Variants in CMYA5 observed in about 807,000 individuals in gnomAD.
CMYA5 encodes cardiomyopathy-associated protein 5.
In CMYA5, 246 loss-of-function variants were observed where a neutral mutation model predicts 318.9. The ratio of observed to expected loss-of-function variants is 0.77; its 90% confidence interval spans 0.70 to 0.86. The LOEUF is 0.86. Among genes scored for constraint, CMYA5 ranks in the 40% least tolerant of loss-of-function variants. CMYA5 has a pLI of 0.00. For synonymous variants in CMYA5, 1,641 were observed against 1,729.5 expected (o/e 0.95, Z 1.27); for missense variants, 4,589 against 4,678.2 (o/e 0.98, Z 0.56).
rs7725531 is a variant in CMYA5, at chr5:79,745,281, G to A, written c.10794G>A (p.Lys3598=). 1.4e-3 allele frequency: 2,266 copies of A among 1,612,446 alleles called. 23 individuals carry two copies. In the African/African-American group the frequency reaches 0.027, roughly 19 times the overall value. ...LEEQNEEMMK[K]VLAQYDEKAQ... ...AACAGAATGAGGAAATGATGAAGAA[G>A]GTTTTAGCACAGTATGATGAGAAAG... Residue 3598 remains lysine (K), a synonymous_variant, in exon 4 of 13, where the codon AAG becomes AAA. Transcript: ENST00000446378.
At chr5:79,771,816 T>C (rs1828861225) in intron 9 of CMYA5, among the ~76,000 whole-genome samples, 1 of 152,164 alleles carries the variant, frequency 6.6e-6, no homozygotes, top group Non-Finnish European at 1.5e-5. Context: ...AGGCCTGTCT[T>C]CTTCTTTCAA....
intron 1 of CMYA5, among the ~76,000 whole-genome samples, chr5:79,695,232 A>C (rs1238969169): frequency 6.6e-6 from 1 of 152,234 alleles, no homozygotes; most frequent in Non-Finnish European, 1.5e-5. Context: ...GCTGTACATG[A>C]AAATAACCTT....
In CMYA5 at chr5:79,714,758, G is replaced by A. The variant is rs200950849; in HGVS notation, c.150-14157G>A. 3.3e-5 allele frequency among the ~76,000 whole-genome samples: 5 copies of A among 151,996 alleles called. No individual in the cohort carries two copies. The East Asian group carries it at 9.6e-4, about 29-fold the overall frequency. On this transcript the variant is annotated intron_variant, in intron 1 of 12. Transcript: ENST00000446378. ...CGCAGCCTCACATGGGACGCCTTTT[G>A]CACATTCTATTGAAGCATATGTCAC...
intron 3 of CMYA5, among the ~76,000 whole-genome samples, chr5:79,744,379 A>G (rs533397223): frequency 3.5e-4 from 53 of 152,132 alleles, no homozygotes; most frequent in Admixed American, 1.6e-3. Context: ...CTCTCATAGC[A>G]CGACTATCTC....
In CMYA5 at chr5:79,799,685, G is replaced by A; in HGVS notation, c.*69G>A. On this transcript the variant is annotated 3_prime_UTR_variant, in exon 13 of 13. Transcript: ENST00000446378. Reference sequence around the variant, plus strand: ...GGGGGGTCTGCTGTTCATTCCTTTAGGTGCTATACATTATTCAAAAAGTCT... The same window carrying A: ...GGGGGGTCTGCTGTTCATTCCTTTAAGTGCTATACATTATTCAAAAAGTCT... The A allele has an allele frequency of 1.3e-6, 2 of 1,513,504 alleles. No individual in the cohort carries two copies. Among genetic ancestry groups the A allele is most frequent in the Non-Finnish European group, 1.8e-6 (2 of 1,124,466 alleles). 93.8% of individuals were successfully genotyped at this position (1,513,504 alleles called of 1,614,324 possible).
At chr5:79,698,996 A>C (rs1827124917) in intron 1 of CMYA5, among the ~76,000 whole-genome samples, 1 of 152,090 alleles carries the variant, frequency 6.6e-6, no homozygotes, top group African/African-American at 2.4e-5. Flanking sequence ...CATGTCTACT[A>C]AACATACAAA....
At chr5:79,703,710 G>A (rs1243408224) in intron 1 of CMYA5, among the ~76,000 whole-genome samples, 1 of 152,134 alleles carries the variant, frequency 6.6e-6, no homozygotes, top group Non-Finnish European at 1.5e-5. Flanking sequence ...TTAGCTTGGA[G>A]GTTTGGGGGA....
At position 79,725,748 on chromosome 5, in the gene CMYA5, C is replaced by CA. The variant is rs553090190; in HGVS notation, c.150-3161dup. Among the ~76,000 whole-genome samples the CA allele has an allele frequency of 2.0e-4, 31 of 152,244 alleles. 1 individual carries two copies. The South Asian group carries it at 6.4e-3, about 32-fold the overall frequency. ...TGAAATCTCGTCTCTACTGAAAATA[C>CA]AAAAAATTAGCCGGGCGTTATGACA... On this transcript the variant is annotated intron_variant, in intron 1 of 12. Transcript: ENST00000446378.
At position 79,750,850 on chromosome 5, in the gene CMYA5, T is replaced by C. The variant is rs1828416009; in HGVS notation, c.10992-1826T>C. ...TGATGTTAAACTGGAATAGGTTCGG[T>C]GCATAAGGGAAAACTCTAACATTTT... On this transcript the variant is annotated intron_variant, in intron 5 of 12. Coordinates refer to ENST00000446378, the MANE Select transcript of CMYA5 (RefSeq NM_153610.5). Among the ~76,000 whole-genome samples the C allele has an allele frequency of 2.6e-5, 4 of 152,296 alleles. 1 individual carries two copies. In the South Asian group the frequency reaches 8.3e-4, roughly 32 times the overall value.
chr5:79,754,331 A>G (rs1828486802), intron 6 of CMYA5, among the ~76,000 whole-genome samples: 1 of 152,226 alleles, frequency 6.6e-6, no homozygotes, highest in African/African-American at 2.4e-5. Flanking sequence ...GTAGCAGCCC[A>G]TACGATTTAT....
In CMYA5 at chr5:79,799,872, A is replaced by ATG; in HGVS notation, c.*256_*257insTG. ...TAAGTTTGAGTTCTTTCCTAAATTA[A>ATG]AAGATCTACACTTGAGTTGGGAACC... is the stretch of plus-strand genomic sequence containing the variant. On this transcript the variant is annotated 3_prime_UTR_variant, in exon 13 of 13. Coordinates refer to ENST00000446378, the MANE Select transcript of CMYA5 (RefSeq NM_153610.5). 1 of 171,418 alleles carries ATG rather than the reference A, an allele frequency of 5.8e-6. No individual in the cohort carries two copies. The highest frequency in any genetic ancestry group is 1.1e-5 in the Non-Finnish European group (1 of 88,592). 10.6% of individuals were successfully genotyped at this position (171,418 alleles called of 1,614,324 possible).
chr5:79,746,539 G>C (rs1301291264), intron 4 of CMYA5, among the ~76,000 whole-genome samples: 1 of 60,846 alleles, frequency 1.6e-5, no homozygotes, highest in African/African-American at 9.0e-5. Context: ...TTCTAGAAGA[G>C]CAAACTGTAA....
At chr5:79,765,476 T>C (rs567346106) in intron 9 of CMYA5, among the ~76,000 whole-genome samples, 62 of 152,352 alleles carry the variant, frequency 4.1e-4, no homozygotes, top group African/African-American at 1.4e-3. Context: ...ATGCAGGCTC[T>C]TTTTTGGTTC....
rs1827514162 is a variant in CMYA5, at chr5:79,716,234, GA to G, written c.150-12679del. Among the ~76,000 whole-genome samples, 7 of 152,200 alleles carry G rather than the reference GA, an allele frequency of 4.6e-5. No individual in the cohort carries two copies. In the South Asian group the frequency reaches 1.4e-3, roughly 31 times the overall value. On this transcript the variant is annotated intron_variant, in intron 1 of 12. Coordinates refer to ENST00000446378, the MANE Select transcript of CMYA5 (RefSeq NM_153610.5). Reference sequence around the variant, plus strand: ...GTTCTGAAACAATTGATAGATAAAGGAATGGTAGCTAGAGATGAAAATATCA... The same window carrying G: ...GTTCTGAAACAATTGATAGATAAAGGATGGTAGCTAGAGATGAAAATATCA...
At chr5:79,756,243 C>G (rs1828526059) in intron 6 of CMYA5, among the ~76,000 whole-genome samples, 1 of 152,182 alleles carries the variant, frequency 6.6e-6, no homozygotes, top group African/African-American at 2.4e-5. Flanking sequence ...GGGAGGTGCT[C>G]TCACCAGCGG....
intron 1 of CMYA5, among the ~76,000 whole-genome samples, chr5:79,723,918 A>G (rs1827696044): frequency 1.3e-5 from 2 of 152,344 alleles, no homozygotes; most frequent in South Asian, 2.1e-4. Flanking sequence ...TGTTGAGTTC[A>G]GTTCAGGAGT....
chr5:79,707,977 T>A (rs115746512), intron 1 of CMYA5, among the ~76,000 whole-genome samples: 3,228 of 152,248 alleles, frequency 0.021, 115 homozygotes, highest in African/African-American at 0.072. Flanking sequence ...GGCCCTAGAG[T>A]GCTCCCTTCA....
Position 79,738,361 on chromosome 5 carries a change from A to C in CMYA5, c.9596A>C (p.Glu3199Ala), listed in dbSNP as rs780965483. The change falls in exon 2 of 13, where the codon GAA becomes GCA. Residue 3199 changes from glutamate (E) to alanine (A), a missense_variant. Glu to Ala is a moderately radical substitution (Grantham distance 107, BLOSUM62 -1). This residue lies in a region of CMYA5 where 2,431 missense variants were observed against 2,495.1 expected (regional missense o/e 0.97). Coordinates refer to ENST00000446378, the MANE Select transcript of CMYA5 (RefSeq NM_153610.5). ...TTTTTATATAAGGATCTGTATGAAG[A>C]AGCAGTTGGAGAGAAAAAGAAGGAA... is the stretch of plus-strand genomic sequence containing the variant. ...LAFLYKDLYE[E>A]AVGEKKKEEE... 9.9e-6 allele frequency: 16 copies of C among 1,613,690 alleles called. No homozygotes were observed. Among genetic ancestry groups the C allele is most frequent in the Non-Finnish European group, 1.3e-5 (15 of 1,179,844 alleles).
Position 79,773,107 on chromosome 5 carries a change from G to C in CMYA5, c.11555+9898G>C, listed in dbSNP as rs545465188. 4.4e-4 allele frequency among the ~76,000 whole-genome samples: 67 copies of C among 152,316 alleles called. 1 individual carries two copies. Among genetic ancestry groups the C allele is most frequent in the Non-Finnish European group, 3.4e-4 (23 of 68,024 alleles). ...TCTCTGAGAAAGAACAGCAAGCCAA[G>C]ATTTGTTTGATCTCACTCCTTTGTT... On this transcript the variant is annotated intron_variant, in intron 9 of 12. Coordinates refer to ENST00000446378, the MANE Select transcript of CMYA5 (RefSeq NM_153610.5).
Sources: gnomAD v4.1 joint callset for allele counts (sites outside exome capture counted in the v4.1 genomes callset) on GRCh38, gnomAD v4.1.1 for gene constraint, gnomAD v4.1.1 regional missense constraint, MANE v1.5 for transcripts, NCBI Gene and HGNC (gene_info 2026-07-23, HGNC 2026-07-21) for gene names.